The following SEPTIN10 variants were observed in gnomAD, a reference collection of about 807,000 sequenced individuals.
SEPTIN10 encodes the protein septin-10.
A neutral mutation model predicts 54.8 loss-of-function variants in SEPTIN10; 66 were observed. That is an observed-to-expected ratio of 1.21 (90% CI 0.99 to 1.48). The LOEUF (loss-of-function observed/expected upper bound fraction) is 1.48. Among genes scored for constraint, SEPTIN10 ranks in the 40% most tolerant of loss-of-function variants. The probability of loss-of-function intolerance (pLI) is 0.00; values close to 1 mark genes in which losing one functional copy is unlikely to be tolerated. For synonymous variants in SEPTIN10, 161 were observed against 181.0 expected, an observed-to-expected ratio of 0.89 and a Z score of 0.89; for missense variants, 620 against 545.6, an observed-to-expected ratio of 1.14 and a Z score of -1.36.
chr2:109,565,075 G>A (rs1234990900), intron 7 of SEPTIN10, among the ~76,000 whole-genome samples: 5 of 151,812 alleles, frequency 3.3e-5, no homozygotes, highest in Non-Finnish European at 2.9e-5. Flanking sequence ...CTATGTTTAC[G>A]GTGACCAGAG....
chr2:109,593,491 C>T (rs1444882456), intron 1 of SEPTIN10, among the ~76,000 whole-genome samples: 7 of 150,118 alleles, frequency 4.7e-5, no homozygotes, highest in East Asian at 3.9e-4. Flanking sequence ...CTGCAACCTC[C>T]GTCTCCCAGG....
chr2:109,564,903 TATGTA>T (rs1297065318), intron 7 of SEPTIN10, among the ~76,000 whole-genome samples: 1 of 152,236 alleles, frequency 6.6e-6, no homozygotes, highest in Non-Finnish European at 1.5e-5. Context: ...GTTTAAAGAG[TATGTA>T]ATATTAGTTC....
chr2:109,586,077 A>G (rs1200932860), intron 2 of SEPTIN10, among the ~76,000 whole-genome samples: 1 of 152,274 alleles, frequency 6.6e-6, no homozygotes, highest in Admixed American at 6.5e-5. Context: ...TATGTATAAC[A>G]TTAAAACATT....
intron 4 of SEPTIN10, among the ~76,000 whole-genome samples, chr2:109,579,447 A>G (rs553850196): frequency 6.7e-6 from 1 of 149,524 alleles, no homozygotes; most frequent in Admixed American, 6.8e-5. Flanking sequence ...GTAATGGCCC[A>G]ATCTTGGCTC....
intron 1 of SEPTIN10, among the ~76,000 whole-genome samples, chr2:109,603,549 A>T (rs918490138): frequency 6.6e-6 from 1 of 152,042 alleles, no homozygotes; most frequent in African/African-American, 2.4e-5. Flanking sequence ...TCATAATATT[A>T]TTTTTAAAGC....
At chr2:109,545,091 T>A (rs1170703469) in intron 10 of SEPTIN10, 1 of 985,262 alleles carries the variant, frequency 1.0e-6, no homozygotes, top group Non-Finnish European at 1.2e-6. Context: ...TGAAAATGGG[T>A]CTGAAATAGA....
At position 109,546,262 on chromosome 2, in the gene SEPTIN10, C is replaced by T. The variant is rs563467397; in HGVS notation, c.1162-25G>A. The T allele has an allele frequency of 8.1e-6, 12 of 1,482,754 alleles. No homozygotes were observed. In the Admixed American group the frequency reaches 1.8e-4, roughly 23 times the overall value. 91.8% of individuals were successfully genotyped at this position (1,482,754 alleles called of 1,614,324 possible). On this transcript the variant is annotated intron_variant, in intron 9 of 10. Coordinates refer to ENST00000397712, the MANE Select transcript of SEPTIN10 (RefSeq NM_144710.5). ...GCTGGAAACAAAAGTGCAATCCCCA[C>T]TACTGACACAGCGCGGCAGCAGAGG... is the stretch of plus-strand genomic sequence containing the variant.
At chr2:109,600,829 G>A (rs1696447809) in intron 1 of SEPTIN10, among the ~76,000 whole-genome samples, 1 of 152,092 alleles carries the variant, frequency 6.6e-6, no homozygotes, top group Non-Finnish European at 1.5e-5. Context: ...TAGAAATCAG[G>A]GTCCCCACAA....
chr2:109,612,407 T>C (rs1699447662), intron 1 of SEPTIN10, among the ~76,000 whole-genome samples: 1 of 152,228 alleles, frequency 6.6e-6, no homozygotes, highest in Non-Finnish European at 1.5e-5. Flanking sequence ...AATGACAATA[T>C]GCTGGTTGTG....
chr2:109,598,708 C>A (rs1195721442), intron 1 of SEPTIN10, among the ~76,000 whole-genome samples: 1 of 151,362 alleles, frequency 6.6e-6, no homozygotes, highest in Non-Finnish European at 1.5e-5. Context: ...CCAGGCATGG[C>A]AGTGCATGCC....
At chr2:109,573,110 T>C (rs1558783617) in intron 5 of SEPTIN10, among the ~76,000 whole-genome samples, 2 of 152,162 alleles carry the variant, frequency 1.3e-5, no homozygotes, top group Non-Finnish European at 2.9e-5. Flanking sequence ...AAACCCTCTA[T>C]TTACATGGAT....
intron 1 of SEPTIN10, among the ~76,000 whole-genome samples, chr2:109,608,109 A>G (rs1408195942): frequency 6.6e-6 from 1 of 152,242 alleles, no homozygotes; most frequent in Non-Finnish European, 1.5e-5. Context: ...AAGGTCTTTT[A>G]TAACAAAAGC....
At chr2:109,613,290 GA>G in intron 1 of SEPTIN10, 11 of 696,144 alleles carry the variant, frequency 1.6e-5, no homozygotes, top group South Asian at 6.5e-5. Context: ...GTCAAGGCGG[GA>G]AAAAAACGGT....
rs377103751 is a variant in SEPTIN10, at chr2:109,586,061, T to C, written c.100-223A>G. 3.9e-5 allele frequency among the ~76,000 whole-genome samples: 6 copies of C among 152,298 alleles called. 1 individual carries two copies. Among genetic ancestry groups the C allele is most frequent in the African/African-American group, 1.4e-4 (6 of 41,570 alleles). ...TTATCCCCTTCATACAACGAGAGTC[T>C]AGCACTATGTATAACATTAAAACAT... is the stretch of plus-strand genomic sequence containing the variant. On this transcript the variant is annotated intron_variant, in intron 2 of 10. Transcript: ENST00000397712.
At chr2:109,565,697 G>A (rs1686819392) in intron 7 of SEPTIN10, 66 bp downstream of exon 7, 1 of 1,296,308 alleles carries the variant, frequency 7.7e-7, no homozygotes, top group East Asian at 2.3e-5. Context: ...CCCAAAGAAG[G>A]CATGACAGGT....
intron 4 of SEPTIN10, among the ~76,000 whole-genome samples, chr2:109,582,246 T>C (rs1691367913): frequency 6.6e-6 from 1 of 152,162 alleles, no homozygotes; most frequent in African/African-American, 2.4e-5. Context: ...ATGGAATCAA[T>C]ATAGTTGGAA....
Position 109,574,659 on chromosome 2 carries a change from C to CA in SEPTIN10, c.521dup (p.Cys175ValfsTer16). ...CTGTCGGTGAAATGAAGTAGAGACACACATGGATGCGAGAATCATGGTAGG... is the reference window on the plus strand; with the variant it reads ...CTGTCGGTGAAATGAAGTAGAGACACAACATGGATGCGAGAATCATGGTAGG... On this transcript the variant is annotated frameshift_variant, in exon 5 of 11. Coordinates refer to ENST00000397712, the MANE Select transcript of SEPTIN10 (RefSeq NM_144710.5). LOFTEE classifies it high-confidence loss of function. 1.9e-6 allele frequency: 3 copies of CA among 1,609,108 alleles called. No homozygotes were observed. Among genetic ancestry groups the CA allele is most frequent in the Non-Finnish European group, 2.5e-6 (3 of 1,177,772 alleles).
intron 1 of SEPTIN10, among the ~76,000 whole-genome samples, chr2:109,601,332 T>C (rs1201125426): frequency 6.6e-6 from 1 of 152,246 alleles, no homozygotes; most frequent in South Asian, 2.1e-4. Flanking sequence ...TCAGCAGTTG[T>C]ATGTCAGGGG....
chr2:109,603,335 C>T (rs1451859467), intron 1 of SEPTIN10, among the ~76,000 whole-genome samples: 6 of 151,976 alleles, frequency 3.9e-5, no homozygotes, highest in Middle Eastern at 3.4e-3. Flanking sequence ...CCTGGGTTCA[C>T]GCCATTCTCC....
Sources: gnomAD v4.1 joint callset for allele counts (sites outside exome capture counted in the v4.1 genomes callset) on GRCh38, gnomAD v4.1.1 for gene constraint, MANE v1.5 for transcripts, NCBI Gene and HGNC (gene_info 2026-07-23, HGNC 2026-07-21) for gene names.